The following TLE1 variants were observed in gnomAD, a reference collection of about 807,000 sequenced individuals.
TLE1 encodes TLE family member 1, transcriptional corepressor.
In TLE1, 21 loss-of-function variants were observed where a neutral mutation model predicts 89.8. That is an observed-to-expected ratio of 0.23 (90% CI 0.17 to 0.34). The LOEUF (loss-of-function observed/expected upper bound fraction) is 0.34. Ranked by LOEUF, TLE1 falls within the 10% of genes least tolerant of loss-of-function variation. The pLI is 1.00. For synonymous variants in TLE1, 447 were observed against 407.6 expected, an observed-to-expected ratio of 1.10 and a Z score of -1.16; for missense variants, 795 against 1,031.2, an observed-to-expected ratio of 0.77 and a Z score of 3.14.
chr9:81,638,331 G>A (rs1349486756), intron 6 of TLE1, among the ~76,000 whole-genome samples: 1 of 152,198 alleles, frequency 6.6e-6, no homozygotes, highest in Non-Finnish European at 1.5e-5. Flanking sequence ...AGAAGTAGAT[G>A]CTTAACATTA....
chr9:81,633,279 GAAGGGGACCGTGTGTGTGTGT>G, intron 8 of TLE1, 48 bp downstream of exon 8: 1 of 1,603,304 alleles, frequency 6.2e-7, no homozygotes, highest in South Asian at 1.1e-5. Flanking sequence ...AGTGTTGTCA[GAAGGGGACCGTGTGTGTGTGT>G]GTGTGTGTGT....
intron 10 of TLE1, among the ~76,000 whole-genome samples, 170 bp from the exon 11 acceptor site, chr9:81,616,304 T>TA (rs1402274849): frequency 4.0e-5 from 6 of 151,752 alleles, no homozygotes; most frequent in Non-Finnish European, 8.8e-5. Context: ...TCGGCAAACA[T>TA]ACCTGCAAAC....
intron 4 of TLE1, among the ~76,000 whole-genome samples, chr9:81,674,542 CA>C (rs769781352): frequency 3.3e-5 from 5 of 152,170 alleles, no homozygotes; most frequent in Non-Finnish European, 7.3e-5. Context: ...ACACAAAGTT[CA>C]AAATCAGAGT....
chr9:81,638,511 T>C (rs1017931179), intron 6 of TLE1, among the ~76,000 whole-genome samples: 1 of 152,200 alleles, frequency 6.6e-6, no homozygotes, highest in Non-Finnish European at 1.5e-5. Flanking sequence ...CTTGTACTTA[T>C]CACCTTCAAC....
At chr9:81,585,114 C>T (rs1269043966) in intron 18 of TLE1, among the ~76,000 whole-genome samples, 2 of 152,098 alleles carry the variant, frequency 1.3e-5, no homozygotes, top group African/African-American at 2.4e-5. Context: ...TAAGTGTCTG[C>T]GTATACCTAA....
At chr9:81,662,972 C>T (rs543859422) in intron 4 of TLE1, among the ~76,000 whole-genome samples, 46 of 152,078 alleles carry the variant, frequency 3.0e-4, no homozygotes, top group African/African-American at 9.9e-4. Context: ...CTCAGCCTCC[C>T]GAGTGGCTGG....
intron 14 of TLE1, among the ~76,000 whole-genome samples, chr9:81,606,681 C>A (rs1394469159): frequency 2.6e-5 from 4 of 151,650 alleles, no homozygotes; most frequent in African/African-American, 9.7e-5. Context: ...ATGTAAATAA[C>A]GAGTTGATGG....
chr9:81,611,865 G>A lies in TLE1; in HGVS notation c.1158C>T (p.Ser386=). The part of the protein sequence containing the change: ...PHAGMNGELT[S]PGAAYASLHN... Reference sequence around the variant, plus strand: ...GTAAACTGGCGTAGGCAGCGCCTGGGCTGGTCAGCTCGCCGTTCATGCCAG... The same window carrying A: ...GTAAACTGGCGTAGGCAGCGCCTGGACTGGTCAGCTCGCCGTTCATGCCAG... The change falls in exon 13 of 20, where the codon AGC becomes AGT. Residue 386 remains serine (S), a synonymous_variant. Transcript: ENST00000376499. 3 of 1,558,748 alleles carry A rather than the reference G, an allele frequency of 1.9e-6. No homozygotes were observed. Among genetic ancestry groups the A allele is most frequent in the Admixed American group, 2.0e-5 (1 of 49,606 alleles).
intron 14 of TLE1, among the ~76,000 whole-genome samples, chr9:81,609,292 C>A (rs1428995172): frequency 6.6e-6 from 1 of 152,108 alleles, no homozygotes; most frequent in African/African-American, 2.4e-5. Context: ...GCCACATTGG[C>A]CAGGCTGGTC....
intron 14 of TLE1, chr9:81,600,089 TC>T: frequency 1.3e-6 from 1 of 743,974 alleles, no homozygotes; most frequent in Non-Finnish European, 2.5e-6. Context: ...TCCAAACTTC[TC>T]AATGTGCTGG....
intron 2 of TLE1, 57 bp from the exon 3 acceptor site, chr9:81,685,953 T>C: frequency 6.3e-7 from 1 of 1,582,612 alleles, no homozygotes; most frequent in East Asian, 2.2e-5. Context: ...TTTTAACATC[T>C]GCCTCACATA....
chr9:81,606,029 A>G (rs1164982682), intron 14 of TLE1, among the ~76,000 whole-genome samples: 2 of 152,246 alleles, frequency 1.3e-5, no homozygotes, highest in Non-Finnish European at 2.9e-5. Flanking sequence ...AATGCTCATC[A>G]TCACTGGCCA....
chr9:81,625,911 T>TAAAAAAAAAAAAAAAAAA (rs35467275), intron 8 of TLE1, among the ~76,000 whole-genome samples: 9 of 87,828 alleles, frequency 1.0e-4, no homozygotes, highest in African/African-American at 2.1e-4. Flanking sequence ...CAGAAACTAC[T>TAAAAAAAAAAAAAAAAAA]AAAAAAAAAA....
chr9:81,673,579 T>A, intron 4 of TLE1, among the ~76,000 whole-genome samples: 1 of 152,104 alleles, frequency 6.6e-6, no homozygotes, highest in African/African-American at 2.4e-5. Flanking sequence ...GGTAACTCAC[T>A]TAATCTTGGT....
chr9:81,655,417 A>C (rs962108852), intron 4 of TLE1, among the ~76,000 whole-genome samples: 6 of 152,130 alleles, frequency 3.9e-5, no homozygotes, highest in African/African-American at 1.4e-4. Context: ...CCACATCCAC[A>C]GCAGTCCCTC....
chr9:81,684,286 AC>A (rs1554706427), intron 4 of TLE1, among the ~76,000 whole-genome samples: 1 of 152,210 alleles, frequency 6.6e-6, no homozygotes, highest in Non-Finnish European at 1.5e-5. Flanking sequence ...GGCACTAGCC[AC>A]TGAGAAACAC....
chr9:81,621,979 T>C (rs1420272904), intron 8 of TLE1, among the ~76,000 whole-genome samples: 1 of 152,122 alleles, frequency 6.6e-6, no homozygotes, highest in Non-Finnish European at 1.5e-5. Flanking sequence ...CTCTAAGTAA[T>C]GTCTTTACCA....
intron 4 of TLE1, among the ~76,000 whole-genome samples, chr9:81,679,820 A>G (rs1833377824): frequency 6.6e-6 from 1 of 152,180 alleles, no homozygotes; most frequent in Admixed American, 6.5e-5. Context: ...AAAGCCAGTA[A>G]GTTTCTCAGT....
At chr9:81,667,645 C>T (rs1831651852) in intron 4 of TLE1, among the ~76,000 whole-genome samples, 1 of 152,058 alleles carries the variant, frequency 6.6e-6, no homozygotes, top group Non-Finnish European at 1.5e-5. Flanking sequence ...TGTATCAAAG[C>T]CATTCCTGGC....
Sources: allele counts gnomAD v4.1 joint callset (sites outside exome capture counted in the v4.1 genomes callset), GRCh38; gene constraint gnomAD v4.1.1; transcripts MANE v1.5; gene names NCBI Gene and HGNC (gene_info 2026-07-23, HGNC 2026-07-21).